The following NUP153 variants were observed in gnomAD, a reference collection of about 807,000 sequenced individuals.
The protein encoded by NUP153 is nuclear pore complex protein Nup153.
In NUP153, 27 loss-of-function variants were observed where a neutral mutation model predicts 134.6. The ratio of observed to expected loss-of-function variants is 0.20; its 90% CI spans 0.15 to 0.28. The LOEUF (loss-of-function observed/expected upper bound fraction) is 0.28. Among genes scored for constraint, NUP153 ranks in the 10% least tolerant of loss-of-function variants. The pLI is 1.00. For synonymous variants in NUP153, 640 were observed against 623.5 expected, an observed-to-expected ratio of 1.03 and a Z score of -0.40; for missense variants, 1,821 against 1,731.3, an observed-to-expected ratio of 1.05 and a Z score of -0.92.
In NUP153 at chr6:17,675,882, T is replaced by C; in HGVS notation, c.335-112A>G. ...CAGTATATAATAGCTTCAATTCAAA[T>C]CACTGGGGCATCCCATAATAAGCCC... On this transcript the variant is annotated intron_variant, in intron 2 of 21. Transcript: ENST00000262077. This position sits in a 1 kb window ranked among gnomAD's most constrained non-coding sequence, Gnocchi z 4.4. 1 of 999,004 alleles carries C rather than the reference T, an allele frequency of 1.0e-6. No individual in the cohort carries two copies. The allele number at this position is 999,004 out of a possible 1,614,324, so 61.9% of individuals were successfully genotyped here. A position where few individuals can be genotyped will look rare whatever the true frequency, so the allele number is the denominator to read the frequency against.
At chr6:17,669,096 T>TTTA in intron 7 of NUP153, 68 bp from the exon 8 acceptor site, 4 of 1,132,404 alleles carry the variant, frequency 3.5e-6, no homozygotes, top group East Asian at 2.5e-5. Context: ...TTTTTTTTTT[T>TTTA]GAGATGGAGT....
intron 17 of NUP153, among the ~76,000 whole-genome samples, chr6:17,630,770 G>A (rs1166156788): frequency 6.7e-6 from 1 of 149,930 alleles, no homozygotes; most frequent in African/African-American, 2.5e-5. Flanking sequence ...GAGGGGAGAG[G>A]GGAGAGGAGA....
intron 20 of NUP153, among the ~76,000 whole-genome samples, chr6:17,621,987 T>A (rs1443105031): frequency 6.6e-6 from 1 of 152,182 alleles, no homozygotes; most frequent in Non-Finnish European, 1.5e-5. Flanking sequence ...TTCATTTTTA[T>A]CAAAAATGCT....
At chr6:17,671,477 C>G (rs1374746703) in intron 5 of NUP153, among the ~76,000 whole-genome samples, 1 of 152,158 alleles carries the variant, frequency 6.6e-6, no homozygotes, top group African/African-American at 2.4e-5. Context: ...GAACTCAATT[C>G]ACTGAAAAGA....
At position 17,629,271 on chromosome 6, in the gene NUP153, A is replaced by G. The variant is rs751623021; in HGVS notation, c.2928T>C (p.Ser976=). The G allele has an allele frequency of 9.9e-6, 16 of 1,611,714 alleles. No homozygotes were observed. The highest frequency in any genetic ancestry group is 1.4e-5 in the Non-Finnish European group (16 of 1,179,430). ...ESKPEEVKKD[S]KNDNFKFGLS... Reference sequence around the variant, plus strand: ...GTCCAAACTTAAAATTATCATTCTTACTATCTTTTTTAACTTCTTCGGGCT... The same window carrying G: ...GTCCAAACTTAAAATTATCATTCTTGCTATCTTTTTTAACTTCTTCGGGCT... The change falls in exon 18 of 22, where the codon AGT becomes AGC. Residue 976 remains serine (S), a synonymous_variant. Coordinates refer to ENST00000262077, the MANE Select transcript of NUP153 (RefSeq NM_005124.4).
Position 17,646,134 on chromosome 6 carries a change from C to G in NUP153, c.1653G>C (p.Val551=). 1 of 1,591,222 alleles carries G rather than the reference C, an allele frequency of 6.3e-7. No homozygotes were observed. The highest frequency in any genetic ancestry group is 1.1e-5 in the South Asian group (1 of 90,462). Residue 551 remains valine, a synonymous_variant, in exon 14 of 22, where the codon GTG becomes GTC. Coordinates refer to ENST00000262077, the MANE Select transcript of NUP153 (RefSeq NM_005124.4). ...AAAGTTCTGCTGTTTTTGCAACAGGCACACTAAATGTAAATCCAATCTGTA... is the reference window on the plus strand; with the variant it reads ...AAAGTTCTGCTGTTTTTGCAACAGGGACACTAAATGTAAATCCAATCTGTA... ...PPSSIGFTFS[V]PVAKTAELSG...
At chr6:17,687,307 CAG>C (rs111380757) in intron 2 of NUP153, among the ~76,000 whole-genome samples, 1 of 152,048 alleles carries the variant, frequency 6.6e-6, no homozygotes, top group African/African-American at 2.4e-5. Flanking sequence ...AACCAGGAAA[CAG>C]AGGGGGGAAA....
intron 1 of NUP153, among the ~76,000 whole-genome samples, chr6:17,703,910 A>G (rs988551533): frequency 6.6e-6 from 1 of 152,228 alleles, no homozygotes; most frequent in African/African-American, 2.4e-5. Flanking sequence ...AAGTCGTATC[A>G]ACTCTAAGAC....
intron 11 of NUP153, among the ~76,000 whole-genome samples, chr6:17,654,397 C>G (rs1301510780): frequency 6.6e-6 from 1 of 151,856 alleles, no homozygotes; most frequent in East Asian, 1.9e-4. Context: ...TCTTGGCTCA[C>G]TGCAACCTCT....
chr6:17,637,790 G>C lies in NUP153; in HGVS notation c.1847-20C>G, dbSNP rs1436536523. The C allele has an allele frequency of 6.3e-7, 1 of 1,576,132 alleles. No homozygotes were observed. The highest frequency in any genetic ancestry group is 8.6e-7 in the Non-Finnish European group (1 of 1,168,144). ...CGAAACCTACAATGAACGAAGGAGA[G>C]AGTGCAACGTTAGAGAAGCTTTATA... On this transcript the variant is annotated intron_variant, in intron 15 of 21. Coordinates refer to ENST00000262077, the MANE Select transcript of NUP153 (RefSeq NM_005124.4).
At chr6:17,630,779 G>GGGGAGAGGGGAGAGGAA in intron 17 of NUP153, among the ~76,000 whole-genome samples, 1 of 151,002 alleles carries the variant, frequency 6.6e-6, no homozygotes, top group South Asian at 2.1e-4. Flanking sequence ...GGGGAGAGGA[G>GGGGAGAGGGGAGAGGAA]AGAAGAGAGA....
Position 17,635,651 on chromosome 6 carries a change from G to A in NUP153, c.2464+1502C>T, listed in dbSNP as rs894031630. Among the ~76,000 whole-genome samples, 3 of 152,242 alleles carry A rather than the reference G, an allele frequency of 2.0e-5. No individual in the cohort carries two copies. In the South Asian group the frequency reaches 6.2e-4, roughly 32 times the overall value. ...TGGGTTCAAGCAATATACCCGCCTT[G>A]GCTTCTCCCAGTGCTGGGATTACAG... On this transcript the variant is annotated intron_variant, in intron 16 of 21. Transcript: ENST00000262077.
At chr6:17,658,006 C>T (rs947078175) in intron 11 of NUP153, among the ~76,000 whole-genome samples, 2 of 152,208 alleles carry the variant, frequency 1.3e-5, no homozygotes, top group Non-Finnish European at 2.9e-5. Flanking sequence ...TATTCGAGTT[C>T]AAAATGGGTT....
intron 20 of NUP153, among the ~76,000 whole-genome samples, chr6:17,620,280 A>G (rs1335435989): frequency 1.3e-5 from 2 of 152,124 alleles, no homozygotes; most frequent in East Asian, 3.9e-4. Flanking sequence ...GCTATATGAG[A>G]CTGGTATAAA....
chr6:17,687,776 TGA>T (rs1219657939), intron 2 of NUP153, among the ~76,000 whole-genome samples: 2 of 152,142 alleles, frequency 1.3e-5, no homozygotes, highest in African/African-American at 2.4e-5. Flanking sequence ...AAACATACAC[TGA>T]GAGATAAATT....
At chr6:17,697,326 C>A (rs1319503359) in intron 1 of NUP153, among the ~76,000 whole-genome samples, 1 of 152,132 alleles carries the variant, frequency 6.6e-6, no homozygotes. Flanking sequence ...ACATACATAT[C>A]AGGAACATTC....
At chr6:17,650,388 T>C (rs1211110847) in intron 11 of NUP153, among the ~76,000 whole-genome samples, 1 of 152,116 alleles carries the variant, frequency 6.6e-6, no homozygotes, top group Non-Finnish European at 1.5e-5. Context: ...AAAGTCTACA[T>C]ATAAGCCACC....
chr6:17,646,918 C>CTTTTTTT (rs376244443), intron 13 of NUP153, among the ~76,000 whole-genome samples: 1 of 131,114 alleles, frequency 7.6e-6, no homozygotes, highest in African/African-American at 2.8e-5. Flanking sequence ...TCTGTATTTT[C>CTTTTTTT]TTTTTTTTTT....
intron 21 of NUP153, 120 bp from the exon 22 acceptor site, chr6:17,616,301 C>A: frequency 3.2e-6 from 2 of 623,328 alleles, no homozygotes; most frequent in South Asian, 1.9e-5. Context: ...AGTAGACTCA[C>A]ATTGGTATAT....
Sources: allele counts gnomAD v4.1 joint callset (sites outside exome capture counted in the v4.1 genomes callset), GRCh38; gene constraint gnomAD v4.1.1; non-coding constraint Gnocchi (gnomAD v3.1); transcripts MANE v1.5; gene names NCBI Gene and HGNC (gene_info 2026-07-23, HGNC 2026-07-21).